The following RAB8B variants were observed in gnomAD, a reference collection of about 807,000 sequenced individuals.
RAB8B encodes RAB8B, member RAS oncogene family.
Under a neutral mutation model 32.0 loss-of-function variants are expected in RAB8B, and 11 were observed. The ratio of observed to expected loss-of-function variants is 0.34; its 90% CI spans 0.22 to 0.57. The LOEUF (loss-of-function observed/expected upper bound fraction) is 0.57. Among genes scored for constraint, RAB8B ranks in the 20% least tolerant of loss-of-function variants. RAB8B has a pLI of 0.86. For missense variants in RAB8B, 190 were observed against 258.5 expected (o/e 0.73, Z 1.82); for synonymous variants, 103 against 89.6 (o/e 1.15, Z -0.85).
chr15:63,221,708 A>T (rs1028185224), intron 1 of RAB8B, among the ~76,000 whole-genome samples: 8 of 152,198 alleles, frequency 5.3e-5, no homozygotes, highest in African/African-American at 1.9e-4. Flanking sequence ...TCAGGACCAG[A>T]GCATGGTTGG....
At chr15:63,261,326 A>G (rs1449884722) in intron 6 of RAB8B, among the ~76,000 whole-genome samples, 1 of 152,222 alleles carries the variant, frequency 6.6e-6, no homozygotes, top group African/African-American at 2.4e-5. Flanking sequence ...TGTGGGTAGG[A>G]ATGTAAATTA....
At chr15:63,194,140 T>G (rs1039593276) in intron 1 of RAB8B, among the ~76,000 whole-genome samples, 1 of 152,200 alleles carries the variant, frequency 6.6e-6, no homozygotes. Context: ...ATAGTCATAG[T>G]TTAACAGCAG....
chr15:63,194,839 G>T (rs2141105291), intron 1 of RAB8B, among the ~76,000 whole-genome samples: 1 of 152,292 alleles, frequency 6.6e-6, no homozygotes, highest in African/African-American at 2.4e-5. Flanking sequence ...AAAAAATAAA[G>T]CAATATGCAA....
intron 5 of RAB8B, among the ~76,000 whole-genome samples, chr15:63,258,244 G>C (rs906357658): frequency 6.6e-6 from 1 of 151,896 alleles, no homozygotes; most frequent in African/African-American, 2.4e-5. Context: ...TGGGATTATA[G>C]ACGTCTGCCA....
At chr15:63,234,522 T>G (rs2037962305) in intron 1 of RAB8B, among the ~76,000 whole-genome samples, 1 of 152,226 alleles carries the variant, frequency 6.6e-6, no homozygotes, top group South Asian at 2.1e-4. Context: ...ACTATGGACT[T>G]GGGCCAGGTT....
At chr15:63,219,218 A>C (rs939149275) in intron 1 of RAB8B, among the ~76,000 whole-genome samples, 4 of 151,098 alleles carry the variant, frequency 2.6e-5, no homozygotes, top group Non-Finnish European at 5.9e-5. Context: ...GAATTGCTTG[A>C]ACTTGGGAGG....
At chr15:63,213,600 C>T (rs2037765041) in intron 1 of RAB8B, among the ~76,000 whole-genome samples, 1 of 151,786 alleles carries the variant, frequency 6.6e-6, no homozygotes, top group South Asian at 2.1e-4. Context: ...GTAATATGGA[C>T]ACTTAAAAAA....
intron 1 of RAB8B, among the ~76,000 whole-genome samples, chr15:63,237,789 T>C (rs554520672): frequency 2.0e-5 from 3 of 152,340 alleles, no homozygotes; most frequent in African/African-American, 7.2e-5. Context: ...TGCAGGGTAT[T>C]ACTGTAGAAA....
At chr15:63,241,730 C>G (rs1270168172) in intron 1 of RAB8B, among the ~76,000 whole-genome samples, 1 of 152,002 alleles carries the variant, frequency 6.6e-6, no homozygotes, top group Non-Finnish European at 1.5e-5. Context: ...TGAGTACATA[C>G]CAGGTTTTGG....
At chr15:63,210,481 C>G (rs1160076875) in intron 1 of RAB8B, among the ~76,000 whole-genome samples, 1 of 152,168 alleles carries the variant, frequency 6.6e-6, no homozygotes, top group Non-Finnish European at 1.5e-5. Flanking sequence ...GAAAGCAAAC[C>G]TGGGTAAGAG....
chr15:63,249,507 C>G, intron 2 of RAB8B, 138 bp from the exon 3 acceptor site: 1 of 698,738 alleles, frequency 1.4e-6, no homozygotes, highest in South Asian at 1.9e-5. Context: ...GCAAAGGGCT[C>G]CCTCTGTGTC....
In RAB8B at chr15:63,209,925, G is replaced by A. The variant is rs554851632; in HGVS notation, c.124+20177G>A. On this transcript the variant is annotated intron_variant, in intron 1 of 7. Coordinates refer to ENST00000321437, the MANE Select transcript of RAB8B (RefSeq NM_016530.3). ...TGCCCCCCACTCCCCAACAGGCCCCGGTGTGTGATGTTCCCCTCCCTGTGT... is the reference window on the plus strand; with the variant it reads ...TGCCCCCCACTCCCCAACAGGCCCCAGTGTGTGATGTTCCCCTCCCTGTGT... 6.0e-5 allele frequency among the ~76,000 whole-genome samples: 9 copies of A among 151,226 alleles called. No homozygotes were observed. In the East Asian group the frequency reaches 1.8e-3, roughly 29 times the overall value.
chr15:63,252,948 A>T (rs2152581807), intron 3 of RAB8B, among the ~76,000 whole-genome samples: 1 of 152,284 alleles, frequency 6.6e-6, no homozygotes, highest in East Asian at 1.9e-4. Context: ...GGGTTTCCCC[A>T]TGTTGGCCGG....
chr15:63,204,387 TC>T (rs1273511889), intron 1 of RAB8B, among the ~76,000 whole-genome samples: 1 of 152,270 alleles, frequency 6.6e-6, no homozygotes, highest in East Asian at 1.9e-4. Context: ...AGCAAGTTCT[TC>T]CAGTTGCTGC....
chr15:63,212,379 T>C (rs1196855310), intron 1 of RAB8B, among the ~76,000 whole-genome samples: 1 of 152,240 alleles, frequency 6.6e-6, no homozygotes, highest in Non-Finnish European at 1.5e-5. Flanking sequence ...TCAGTTCATG[T>C]TCATCTGACT....
At position 63,267,378 on chromosome 15, in the gene RAB8B, T is replaced by TTTC. The variant is rs752107990; in HGVS notation, c.*3761_*3762insCTT. ...AAGAAACTAATAGAACTTATTTCAC[T>TTTC]TTACCTTTTTTTAAAATGTGAATTT... On this transcript the variant is annotated 3_prime_UTR_variant, in exon 8 of 8. Coordinates refer to ENST00000321437, the MANE Select transcript of RAB8B (RefSeq NM_016530.3). 6 of 152,776 alleles carry TTTC rather than the reference T, an allele frequency of 3.9e-5. No homozygotes were observed. Among genetic ancestry groups the TTTC allele is most frequent in the East Asian group, 1.9e-4 (1 of 5,190 alleles). 9.5% of individuals were successfully genotyped at this position (152,776 alleles called of 1,614,324 possible).
chr15:63,255,598 G>A lies in RAB8B; in HGVS notation c.324+14G>A. On this transcript the variant is annotated intron_variant, in intron 4 of 7. Transcript: ENST00000321437. ...AACATTGAAGAGGTATGTGTGGAAAGAGAATGGTGACATTGGAGAAGAGTC... is the reference window on the plus strand; with the variant it reads ...AACATTGAAGAGGTATGTGTGGAAAAAGAATGGTGACATTGGAGAAGAGTC... The A allele has an allele frequency of 6.4e-7, 1 of 1,568,064 alleles. No homozygotes were observed. Among genetic ancestry groups the A allele is most frequent in the Non-Finnish European group, 8.8e-7 (1 of 1,138,164 alleles).
chr15:63,212,273 G>T (rs1342861490), intron 1 of RAB8B, among the ~76,000 whole-genome samples: 1 of 152,182 alleles, frequency 6.6e-6, no homozygotes, highest in African/African-American at 2.4e-5. Flanking sequence ...TATCCAGGTT[G>T]TTCTTGGATA....
intron 6 of RAB8B, among the ~76,000 whole-genome samples, chr15:63,260,744 T>C (rs2152585200): frequency 6.6e-6 from 1 of 152,314 alleles, no homozygotes; most frequent in East Asian, 1.9e-4. Flanking sequence ...AAAAACATTT[T>C]TTCAACTGAT....
Sources: allele counts gnomAD v4.1 joint callset (sites outside exome capture counted in the v4.1 genomes callset), GRCh38; gene constraint gnomAD v4.1.1; transcripts MANE v1.5; gene names NCBI Gene and HGNC (gene_info 2026-07-23, HGNC 2026-07-21).